Variants in CUX2 observed in about 807,000 individuals in gnomAD.
The protein encoded by CUX2 is homeobox protein cut-like 2.
CUX2 carries 40 observed loss-of-function variants against 144.8 expected under a neutral mutation model. That is an observed-to-expected ratio of 0.28 (90% CI 0.21 to 0.36). CUX2 has a LOEUF of 0.36. Ranked by LOEUF, CUX2 falls within the 10% of genes least tolerant of loss-of-function variation. The probability of loss-of-function intolerance (pLI) is 1.00; values close to 1 mark genes in which losing one functional copy is unlikely to be tolerated. For synonymous variants in CUX2, 827 were observed against 875.6 expected (o/e 0.94, Z 0.98); for missense variants, 1,615 against 1,994.0 (o/e 0.81, Z 3.62).
chr12:111,042,340 C>T (rs1229661783), intron 1 of CUX2, among the ~76,000 whole-genome samples: 1 of 152,204 alleles, frequency 6.6e-6, no homozygotes, highest in Non-Finnish European at 1.5e-5. Flanking sequence ...GGCCATCACT[C>T]CTAGGCCTTG....
chr12:111,155,673 C>T (rs1218726474), intron 1 of CUX2, among the ~76,000 whole-genome samples: 4 of 152,110 alleles, frequency 2.6e-5, no homozygotes, highest in African/African-American at 4.8e-5. Flanking sequence ...TCTGACTGCC[C>T]GATTCACTAA....
chr12:111,102,145 G>A (rs1221958218), intron 1 of CUX2, among the ~76,000 whole-genome samples: 1 of 152,228 alleles, frequency 6.6e-6, no homozygotes, highest in Non-Finnish European at 1.5e-5. Context: ...CATCTGGCTG[G>A]GCATGCCCGA....
Position 111,160,354 on chromosome 12 carries a change from T to C in CUX2, c.64-53846T>C, listed in dbSNP as rs1291956973. Among the ~76,000 whole-genome samples the C allele has an allele frequency of 6.6e-6, 1 of 152,044 alleles. No homozygotes were observed. Among genetic ancestry groups the C allele is most frequent in the East Asian group, 1.9e-4 (1 of 5,188 alleles). ...GTCTGGCCTGTGTGTGCAGGGTGCG[T>C]GTCAGAGTGTGTATGGGCAAGCATG... On this transcript the variant is annotated intron_variant, in intron 1 of 21. Coordinates refer to ENST00000261726, the MANE Select transcript of CUX2 (RefSeq NM_015267.4). This position sits in a 1 kb window ranked among gnomAD's most constrained non-coding sequence, Gnocchi z 4.1.
Position 111,277,285 on chromosome 12 carries a change from C to A in CUX2, c.301+13446C>A, listed in dbSNP as rs867572500. 4.5e-4 allele frequency among the ~76,000 whole-genome samples: 68 copies of A among 152,284 alleles called. No homozygotes were observed. The highest frequency in any genetic ancestry group is 1.6e-3 in the African/African-American group (67 of 41,552). On this transcript the variant is annotated intron_variant, in intron 4 of 21. Transcript: ENST00000261726. The surrounding 1 kb of genome is among the most constrained non-coding windows in gnomAD (Gnocchi z 5.0). ...GGCACTGGGCGTCCCCTGGGCCAGC[C>A]CCACATCCCCATCTGTGAAATGGGT...
At chr12:111,334,771 TGAA>T in intron 19 of CUX2, 61 bp downstream of exon 19, 1 of 1,517,468 alleles carries the variant, frequency 6.6e-7, no homozygotes, top group East Asian at 2.3e-5. Flanking sequence ...CTACTTGCCT[TGAA>T]AAGGTGTCTG....
At chr12:111,196,876 C>A (rs1270256441) in intron 1 of CUX2, among the ~76,000 whole-genome samples, 2 of 152,144 alleles carry the variant, frequency 1.3e-5, no homozygotes, top group African/African-American at 2.4e-5. Context: ...TGTTCTGGGT[C>A]CTTGAATCTT....
At chr12:111,048,059 G>A (rs1264776393) in intron 1 of CUX2, among the ~76,000 whole-genome samples, 1 of 152,212 alleles carries the variant, frequency 6.6e-6, no homozygotes, top group Non-Finnish European at 1.5e-5. Flanking sequence ...GAGGGGAGAA[G>A]AGGGGAGGGA....
chr12:111,100,856 C>G (rs1411498826), intron 1 of CUX2, among the ~76,000 whole-genome samples: 1 of 152,196 alleles, frequency 6.6e-6, no homozygotes, highest in African/African-American at 2.4e-5. Context: ...TTCCATCTTG[C>G]ATGGGGGAGC....
intron 1 of CUX2, among the ~76,000 whole-genome samples, chr12:111,188,047 G>C (rs1006887953): frequency 6.6e-6 from 1 of 152,278 alleles, no homozygotes; most frequent in African/African-American, 2.4e-5. Context: ...TGGCCAGGCT[G>C]TGTGGCATAG....
chr12:111,335,887 C>CA (rs553341568), intron 19 of CUX2, among the ~76,000 whole-genome samples: 80 of 151,014 alleles, frequency 5.3e-4, no homozygotes, highest in Non-Finnish European at 8.7e-4. Flanking sequence ...GCCTGGACGA[C>CA]AGAGGAAGAC....
At chr12:111,206,612 G>C (rs1880931820) in intron 1 of CUX2, among the ~76,000 whole-genome samples, 1 of 152,208 alleles carries the variant, frequency 6.6e-6, no homozygotes, top group Admixed American at 6.5e-5. Flanking sequence ...GTGTTGGTTG[G>C]TTTCTGTACA....
In CUX2 at chr12:111,222,528, CA is replaced by C. The variant is rs375831839; in HGVS notation, c.222+4592del. On this transcript the variant is annotated intron_variant, in intron 3 of 21. Coordinates refer to ENST00000261726, the MANE Select transcript of CUX2 (RefSeq NM_015267.4). Reference sequence around the variant, plus strand: ...GACATTCACCTGGGCCTGATTGAAACACAGTAGTTTGGAGACCAAGTGGGCT... The same window carrying C: ...GACATTCACCTGGGCCTGATTGAAACCAGTAGTTTGGAGACCAAGTGGGCT... Among the ~76,000 whole-genome samples the C allele has an allele frequency of 7.9e-5, 12 of 152,304 alleles. No homozygotes were observed. The East Asian group carries it at 9.6e-4, about 12-fold the overall frequency.
chr12:111,115,034 C>T (rs1424155636), intron 1 of CUX2, among the ~76,000 whole-genome samples: 2 of 152,038 alleles, frequency 1.3e-5, no homozygotes, highest in East Asian at 3.8e-4. Context: ...TATGTCTATC[C>T]TTATAGCATT....
At chr12:111,184,573 CAAAAAAAAAAAAAA>C (rs71445536) in intron 1 of CUX2, among the ~76,000 whole-genome samples, 1 of 46,910 alleles carries the variant, frequency 2.1e-5, no homozygotes, top group Non-Finnish European at 5.0e-5. Context: ...TTCTCTCTAC[CAAAAAAAAAAAAAA>C]AAAAAAAAAA....
intron 1 of CUX2, among the ~76,000 whole-genome samples, chr12:111,145,235 A>G (rs1313742116): frequency 6.6e-6 from 1 of 151,936 alleles, no homozygotes; most frequent in African/African-American, 2.4e-5. Flanking sequence ...GGATTTCTTT[A>G]CTCTGTCCAA....
chr12:111,242,905 C>T (rs1883100336), intron 3 of CUX2, among the ~76,000 whole-genome samples: 1 of 152,096 alleles, frequency 6.6e-6, no homozygotes, highest in Non-Finnish European at 1.5e-5. Context: ...TCCCTGTGTC[C>T]ATGTGTTCTC....
intron 1 of CUX2, among the ~76,000 whole-genome samples, chr12:111,069,550 G>GTT (rs929133404): frequency 1.3e-5 from 2 of 151,330 alleles, no homozygotes; most frequent in African/African-American, 4.9e-5. Context: ...GTGTGTGTGT[G>GTT]TGCGCGCGCG....
chr12:111,143,181 C>G (rs530608173), intron 1 of CUX2, among the ~76,000 whole-genome samples: 9 of 152,254 alleles, frequency 5.9e-5, no homozygotes, highest in African/African-American at 2.2e-4. Flanking sequence ...ATCCAGCAAC[C>G]AGCAACAGGG....
chr12:111,330,375 G>A (rs79429446), intron 18 of CUX2, among the ~76,000 whole-genome samples: 1,663 of 152,170 alleles, frequency 0.011, 27 homozygotes, highest in African/African-American at 0.038. Context: ...TAGATGAGAG[G>A]ACAGTGTTGG....
Sources: gnomAD v4.1 joint callset for allele counts (sites outside exome capture counted in the v4.1 genomes callset) on GRCh38, gnomAD v4.1.1 for gene constraint, Gnocchi (gnomAD v3.1) non-coding constraint, MANE v1.5 for transcripts, NCBI Gene and HGNC (gene_info 2026-07-23, HGNC 2026-07-21) for gene names.